CNGB3: variants seen among roughly 807,000 people sequenced by gnomAD.
The protein encoded by CNGB3 is cyclic nucleotide-gated channel beta-3.
In CNGB3, 86 loss-of-function variants were observed where a neutral mutation model predicts 92.8. The ratio of observed to expected loss-of-function variants is 0.93; its 90% CI spans 0.78 to 1.11. The LOEUF (loss-of-function observed/expected upper bound fraction) is 1.11, where lower values mean the gene tolerates loss of function less well. CNGB3 is among the 50% of genes least tolerant of loss of function. CNGB3 has a pLI of 0.00. For missense variants in CNGB3, 1,026 were observed against 956.8 expected (o/e 1.07, Z -0.95); for synonymous variants, 333 against 332.7 (o/e 1.00, Z -0.01).
At position 86,654,065 on chromosome 8, in the gene CNGB3, GA is replaced by G; in HGVS notation, c.853-4del. The G allele has an allele frequency of 6.4e-7, 1 of 1,574,524 alleles. No homozygotes were observed. The highest frequency in any genetic ancestry group is 8.7e-7 in the Non-Finnish European group (1 of 1,144,404). ...TTCCTTAGCTCATTTGAATCCACCT[GA>G]AAGATATTTGTATTTTCATTAATTT... On this transcript the variant is annotated splice_region_variant and splice_polypyrimidine_tract_variant and intron_variant, in intron 6 of 17. Transcript: ENST00000320005.
At chr8:86,672,046 A>AATT in intron 3 of CNGB3, among the ~76,000 whole-genome samples, 1 of 152,244 alleles carries the variant, frequency 6.6e-6, no homozygotes, top group South Asian at 2.1e-4. Context: ...GTAATTTGTT[A>AATT]TGTGGCAATA....
intron 8 of CNGB3, among the ~76,000 whole-genome samples, chr8:86,645,110 A>T (rs900304539): frequency 1.3e-5 from 2 of 151,354 alleles, no homozygotes. Flanking sequence ...CACTAGCATT[A>T]TTTTTCAGTA....
At chr8:86,724,653 G>A (rs1324990096) in intron 3 of CNGB3, among the ~76,000 whole-genome samples, 1 of 152,078 alleles carries the variant, frequency 6.6e-6, no homozygotes, top group Non-Finnish European at 1.5e-5. Context: ...AGCAATAAAT[G>A]CTGTGAAAGA....
chr8:86,639,159 C>T lies in CNGB3; in HGVS notation c.1178+4592G>A, dbSNP rs1453815730. 7.8e-5 allele frequency among the ~76,000 whole-genome samples: 3 copies of T among 38,328 alleles called. No homozygotes were observed. In the East Asian group the frequency reaches 6.4e-3, roughly 82 times the overall value. 25.1% of individuals were successfully genotyped at this position (38,328 alleles called of 152,430 possible). A position where few individuals can be genotyped will look rare whatever the true frequency, so the allele number is the denominator to read the frequency against. On this transcript the variant is annotated intron_variant, in intron 10 of 17. Coordinates refer to ENST00000320005, the MANE Select transcript of CNGB3 (RefSeq NM_019098.5). Reference sequence around the variant, plus strand: ...TTCCCATGATGCCTTGTTTACTTCTCTTTTTTTCAAAGAAGATACATTAGG... The same window carrying T: ...TTCCCATGATGCCTTGTTTACTTCTTTTTTTTTCAAAGAAGATACATTAGG...
At position 86,574,653 on chromosome 8, in the gene CNGB3, C is replaced by T. The variant is rs1821625173; in HGVS notation, c.*1151G>A. On this transcript the variant is annotated 3_prime_UTR_variant, in exon 18 of 18. Transcript: ENST00000320005. ...ATCTTTGGAGACTTGGAAATAGCCT[C>T]ATTACACAGAACTTGATGTTATACA... 6.6e-6 allele frequency: 1 copy of T among 152,150 alleles called. No homozygotes were observed. Among genetic ancestry groups the T allele is most frequent in the Non-Finnish European group, 1.5e-5 (1 of 68,020 alleles). The allele number at this position is 152,150 out of a possible 1,614,324, so 9.4% of individuals were successfully genotyped here.
chr8:86,629,288 A>G (rs1162528885), intron 11 of CNGB3, among the ~76,000 whole-genome samples: 5 of 152,170 alleles, frequency 3.3e-5, no homozygotes, highest in African/African-American at 1.2e-4. Flanking sequence ...TCCTAATATC[A>G]CCCACTTCCA....
At chr8:86,733,243 T>G (rs376658673) in intron 2 of CNGB3, among the ~76,000 whole-genome samples, 44 of 152,292 alleles carry the variant, frequency 2.9e-4, no homozygotes, top group African/African-American at 9.9e-4. Flanking sequence ...GGCCTCCATC[T>G]TCATCCATGT....
chr8:86,587,454 G>T (rs1282624805), intron 15 of CNGB3, among the ~76,000 whole-genome samples: 10 of 152,092 alleles, frequency 6.6e-5, no homozygotes, highest in African/African-American at 2.4e-4. Flanking sequence ...TTTCTTCTAG[G>T]GTTTTGATGG....
intron 5 of CNGB3, 55 bp from the exon 6 acceptor site, chr8:86,667,188 ATTCTGTTGC>A (rs1208394160): frequency 6.7e-7 from 1 of 1,488,530 alleles, no homozygotes; most frequent in Non-Finnish European, 9.3e-7. Flanking sequence ...CACAGAAAGA[ATTCTGTTGC>A]TTAGTTTGGG....
chr8:86,610,555 T>C (rs1822498435), intron 14 of CNGB3, among the ~76,000 whole-genome samples: 1 of 152,148 alleles, frequency 6.6e-6, no homozygotes, highest in Admixed American at 6.5e-5. Context: ...TGCCCCTCCT[T>C]TGTGTCTTAC....
intron 2 of CNGB3, among the ~76,000 whole-genome samples, chr8:86,728,128 G>A (rs1051529313): frequency 6.6e-6 from 1 of 152,140 alleles, no homozygotes; most frequent in Admixed American, 6.5e-5. Context: ...TTGGCTAGAA[G>A]AGAGAAAACA....
chr8:86,710,344 T>C lies in CNGB3; in HGVS notation c.338+16187A>G, dbSNP rs116096016. On this transcript the variant is annotated intron_variant, in intron 3 of 17. Transcript: ENST00000320005. The stretch of plus-strand genomic sequence containing the variant: ...ATGACTCAACTTTTTTGTCTGCTAT[T>C]GCCACCAGGTAGGGAGATATCCCCC... Among the ~76,000 whole-genome samples the C allele has an allele frequency of 3.5e-3, 530 of 152,290 alleles. 1 individual carries two copies. The highest frequency in any genetic ancestry group is 0.013 in the African/African-American group (522 of 41,574).
chr8:86,729,002 C>G (rs1004864266), intron 2 of CNGB3, among the ~76,000 whole-genome samples: 1 of 152,160 alleles, frequency 6.6e-6, no homozygotes, highest in African/African-American at 2.4e-5. Flanking sequence ...CCTTGACCTC[C>G]TGGGCTCAAG....
chr8:86,658,691 C>T (rs535116807), intron 6 of CNGB3: 18 of 396,478 alleles, frequency 4.5e-5, no homozygotes, highest in African/African-American at 1.6e-4. Context: ...GCTTCTCGCT[C>T]GGCTCTTTCT....
At chr8:86,653,546 G>A (rs1214136119) in intron 7 of CNGB3, among the ~76,000 whole-genome samples, 1 of 151,922 alleles carries the variant, frequency 6.6e-6, no homozygotes, top group Non-Finnish European at 1.5e-5. Context: ...AAATAATTAT[G>A]GGCAATAAAA....
In CNGB3 at chr8:86,626,073, A is replaced by C. The variant is rs137970340; in HGVS notation, c.1488T>G (p.Ser496=). ...TWDSQRMLDE[S]DLLKTLPTTV... ...TAGTTGGTAGGGTCTTAAGCAAATC[A>C]GACTCATCTTTATAAAGATAAACAC... The change falls in exon 13 of 18, where the codon TCT becomes TCG. Residue 496 remains serine (S), a synonymous_variant. Coordinates refer to ENST00000320005, the MANE Select transcript of CNGB3 (RefSeq NM_019098.5). 18 of 1,611,364 alleles carry C rather than the reference A, an allele frequency of 1.1e-5. No homozygotes were observed. The highest frequency in any genetic ancestry group is 3.3e-4 in the Middle Eastern group (2 of 6,076).
intron 3 of CNGB3, among the ~76,000 whole-genome samples, chr8:86,694,384 G>T (rs1824400461): frequency 1.3e-5 from 2 of 151,050 alleles, no homozygotes; most frequent in African/African-American, 4.9e-5. Flanking sequence ...GGACGGGGTG[G>T]CTGGCCTGGC....
chr8:86,629,542 G>A (rs775556795), intron 11 of CNGB3, among the ~76,000 whole-genome samples: 2 of 152,236 alleles, frequency 1.3e-5, no homozygotes, highest in African/African-American at 2.4e-5. Context: ...CCATTTTGGT[G>A]AGTCTTACTT....
At position 86,654,073 on chromosome 8, in the gene CNGB3, T is replaced by G. The variant is rs1332305549; in HGVS notation, c.853-11A>C. ...CTCATTTGAATCCACCTGAAAGATA[T>G]TTGTATTTTCATTAATTTTAGCCAA... On this transcript the variant is annotated splice_polypyrimidine_tract_variant and intron_variant, in intron 6 of 17. Coordinates refer to ENST00000320005, the MANE Select transcript of CNGB3 (RefSeq NM_019098.5). The G allele has an allele frequency of 1.9e-6, 3 of 1,558,784 alleles. No homozygotes were observed. Among genetic ancestry groups the G allele is most frequent in the Non-Finnish European group, 2.7e-6 (3 of 1,130,134 alleles).
Sources: allele counts gnomAD v4.1 joint callset (sites outside exome capture counted in the v4.1 genomes callset), GRCh38; gene constraint gnomAD v4.1.1; transcripts MANE v1.5; gene names NCBI Gene and HGNC (gene_info 2026-07-23, HGNC 2026-07-21).